HEATR5B: variants seen among roughly 807,000 people sequenced by gnomAD.
The protein encoded by HEATR5B is HEAT repeat containing 5B, also known as HEAT repeat-containing protein 5B.
HEATR5B carries 156 observed loss-of-function variants against 224.1 expected under a neutral mutation model. That is an observed-to-expected ratio of 0.70 (90% CI 0.61 to 0.80). HEATR5B has a LOEUF of 0.80. Ranked by LOEUF, HEATR5B falls within the 30% of genes least tolerant of loss-of-function variation. The pLI, the probability that HEATR5B is intolerant of heterozygous loss-of-function variation, is 0.00. For synonymous variants in HEATR5B, 1,027 were observed against 893.0 expected (o/e 1.15, Z -2.68); for missense variants, 2,323 against 2,535.5 (o/e 0.92, Z 1.80).
At chr2:37,074,718 C>T (rs753670819) in intron 5 of HEATR5B, among the ~76,000 whole-genome samples, 47 of 152,140 alleles carry the variant, frequency 3.1e-4, no homozygotes, top group Non-Finnish European at 6.0e-4. Context: ...TAAAACAACC[C>T]AATAAAACAA....
intron 32 of HEATR5B, 58 bp downstream of exon 32, chr2:37,002,248 A>T: frequency 6.4e-7 from 1 of 1,571,978 alleles, no homozygotes. Flanking sequence ...AATCAAAGGC[A>T]AGCTCATCTT....
intron 15 of HEATR5B, 55 bp from the exon 16 acceptor site, chr2:37,056,670 T>A: frequency 1.4e-6 from 2 of 1,436,622 alleles, no homozygotes; most frequent in Middle Eastern, 3.8e-4. Context: ...AATCTACTTA[T>A]TAAACATTGG....
rs758421062 is a variant in HEATR5B at position 37,075,512 on chromosome 2, T to C, written c.570A>G (p.Ser190=). 6 of 1,613,928 alleles carry C rather than the reference T, an allele frequency of 3.7e-6. No homozygotes were observed. The highest frequency in any genetic ancestry group is 5.1e-6 in the Non-Finnish European group (6 of 1,179,952). The part of the protein sequence containing the change: ...KNARSLLTDR[S]MAVRCAVAKC... ...TGGCCACTGCACATCGAACAGCCAT[T>C]GACCTATCAGTCAAGAGAGACCTGG... is the stretch of plus-strand genomic sequence containing the variant. The change falls in exon 5 of 36, where the codon TCA becomes TCG. Residue 190 remains serine, a synonymous_variant. Transcript: ENST00000233099.
At chr2:37,072,775 A>G (rs145487019) in intron 5 of HEATR5B, among the ~76,000 whole-genome samples, 1 of 152,348 alleles carries the variant, frequency 6.6e-6, no homozygotes, top group Non-Finnish European at 1.5e-5. Flanking sequence ...GTAAAAATAC[A>G]AAGTACCAAA....
intron 35 of HEATR5B, among the ~76,000 whole-genome samples, chr2:36,983,074 A>G (rs187654869): frequency 6.6e-6 from 1 of 152,304 alleles, no homozygotes; most frequent in African/African-American, 2.4e-5. Flanking sequence ...ATGAATAAAC[A>G]TACATACTCT....
chr2:37,064,232 T>G (rs1407866106), intron 10 of HEATR5B, among the ~76,000 whole-genome samples: 2 of 151,838 alleles, frequency 1.3e-5, no homozygotes, highest in Non-Finnish European at 2.9e-5. Context: ...TTCTAAAAGC[T>G]GAAAGAAAAG....
intron 20 of HEATR5B, among the ~76,000 whole-genome samples, chr2:37,038,910 G>C (rs563001366): frequency 3.8e-5 from 5 of 130,994 alleles, no homozygotes; most frequent in Non-Finnish European, 6.7e-5. Flanking sequence ...CCTGGGGTGG[G>C]GGGGGTGGGG....
intron 13 of HEATR5B, 136 bp from the exon 14 acceptor site, chr2:37,058,696 T>C (rs191491361): frequency 1.4e-6 from 1 of 707,974 alleles, no homozygotes; most frequent in Non-Finnish European, 2.4e-6. Context: ...GTTGTGATCT[T>C]TGCTGTAACA....
Position 36,991,709 on chromosome 2 carries a change from T to C in HEATR5B, c.5546-910A>G, listed in dbSNP as rs191394365. On this transcript the variant is annotated intron_variant, in intron 33 of 35. Transcript: ENST00000233099. ...AGTTCCAAACATTTTGTGATTATCA[T>C]TTCTTCAATAAAACTGATCCCTATC... is the stretch of plus-strand genomic sequence containing the variant. 4.3e-4 allele frequency among the ~76,000 whole-genome samples: 65 copies of C among 152,308 alleles called. 1 individual carries two copies. Among genetic ancestry groups the C allele is most frequent in the Admixed American group, 3.9e-3 (60 of 15,294 alleles).
intron 8 of HEATR5B, among the ~76,000 whole-genome samples, chr2:37,067,989 AAT>A (rs1410836027): frequency 1.3e-5 from 2 of 152,112 alleles, no homozygotes; most frequent in Non-Finnish European, 2.9e-5. Context: ...AGTATAGTGA[AAT>A]AGTGAATAAT....
chr2:36,988,354 C>T (rs1427412044), intron 35 of HEATR5B, among the ~76,000 whole-genome samples: 2 of 151,924 alleles, frequency 1.3e-5, no homozygotes, highest in Admixed American at 1.3e-4. Context: ...CCTCCAACTC[C>T]CGGGTCCAAG....
intron 11 of HEATR5B, among the ~76,000 whole-genome samples, chr2:37,061,127 AAT>A (rs1671256660): frequency 6.6e-6 from 1 of 152,176 alleles, no homozygotes; most frequent in South Asian, 2.1e-4. Context: ...TATATAAACA[AAT>A]ATACCCACTC....
At chr2:36,999,754 T>G (rs943094693) in intron 33 of HEATR5B, among the ~76,000 whole-genome samples, 2 of 151,642 alleles carry the variant, frequency 1.3e-5, no homozygotes, top group Non-Finnish European at 1.5e-5. Flanking sequence ...AGCTCACGTC[T>G]GTAATGCTAG....
intron 24 of HEATR5B, among the ~76,000 whole-genome samples, chr2:37,024,507 T>A (rs1428414665): frequency 6.6e-6 from 1 of 152,152 alleles, no homozygotes; most frequent in Non-Finnish European, 1.5e-5. Flanking sequence ...GATATATATA[T>A]TTGTAAGTCA....
intron 8 of HEATR5B, 149 bp from the exon 9 acceptor site, chr2:37,066,059 C>A (rs1671569998): frequency 1.6e-6 from 1 of 624,278 alleles, no homozygotes; most frequent in African/African-American, 1.9e-5. Context: ...ACTTGTAGAA[C>A]TAAACACTGA....
chr2:36,984,095 G>A (rs1176112200), intron 35 of HEATR5B, among the ~76,000 whole-genome samples: 1 of 148,696 alleles, frequency 6.7e-6, no homozygotes, highest in Non-Finnish European at 1.5e-5. Flanking sequence ...AGCTACTCCT[G>A]AGGCTGAGGC....
chr2:36,996,066 T>TC (rs1222249608), intron 33 of HEATR5B, among the ~76,000 whole-genome samples: 1 of 145,666 alleles, frequency 6.9e-6, no homozygotes. Context: ...ATGCAATTCT[T>TC]TTTTTTTTTT....
At position 37,084,272 on chromosome 2, in the gene HEATR5B, G is replaced by C. The variant is rs10176303; in HGVS notation, c.-26C>G. 28,342 of 391,678 alleles carry C rather than the reference G, an allele frequency of 0.072. 1,159 individuals are homozygous for C. The highest frequency in any genetic ancestry group is 0.086 in the Non-Finnish European group (19,144 of 222,092). 24.3% of individuals were successfully genotyped at this position (391,678 alleles called of 1,614,324 possible). Reference sequence around the variant, plus strand: ...ATGCATGCTTCGGCGACCTCACCTCGTAGTCTGGAAGGGAAGATCAGCTGA... The same window carrying C: ...ATGCATGCTTCGGCGACCTCACCTCCTAGTCTGGAAGGGAAGATCAGCTGA... On this transcript the variant is annotated 5_prime_UTR_variant, in exon 1 of 36. Coordinates refer to ENST00000233099, the MANE Select transcript of HEATR5B (RefSeq NM_019024.3).
chr2:36,997,278 G>C (rs532573074), intron 33 of HEATR5B, among the ~76,000 whole-genome samples: 1 of 151,916 alleles, frequency 6.6e-6, no homozygotes, highest in Non-Finnish European at 1.5e-5. Flanking sequence ...TTGATTTCTC[G>C]AACTCAAGTG....
Sources: allele counts gnomAD v4.1 joint callset (sites outside exome capture counted in the v4.1 genomes callset), GRCh38; gene constraint gnomAD v4.1.1; transcripts MANE v1.5; gene names NCBI Gene and HGNC (gene_info 2026-07-23, HGNC 2026-07-21).